The following HECW1 variants were observed in gnomAD, a reference collection of about 807,000 sequenced individuals.
HECW1 encodes HECT, C2 and WW domain containing E3 ubiquitin protein ligase 1, also known as E3 ubiquitin-protein ligase HECW1.
Under a neutral mutation model 182.3 loss-of-function variants are expected in HECW1, and 61 were observed. The observed-to-expected ratio is 0.33, with a 90% confidence interval of 0.27 to 0.41. The LOEUF (loss-of-function observed/expected upper bound fraction) is 0.41, where lower values mean the gene tolerates loss of function less well. Ranked by LOEUF, HECW1 falls within the 10% of genes least tolerant of loss-of-function variation. The pLI, the probability that HECW1 is intolerant of heterozygous loss-of-function variation, is 1.00. For missense variants in HECW1, 1,739 were observed against 2,108.9 expected, an observed-to-expected ratio of 0.82 and a Z score of 3.44; for synonymous variants, 859 against 832.6, an observed-to-expected ratio of 1.03 and a Z score of -0.55.
At chr7:43,318,372 A>C (rs910519058) in intron 4 of HECW1, among the ~76,000 whole-genome samples, 2 of 152,270 alleles carry the variant, frequency 1.3e-5, no homozygotes, top group African/African-American at 4.8e-5. Context: ...TCTTCATGGT[A>C]ACCCAAACAG....
At chr7:43,128,629 T>C (rs1786544486) in intron 2 of HECW1, among the ~76,000 whole-genome samples, 1 of 152,192 alleles carries the variant, frequency 6.6e-6, no homozygotes, top group Admixed American at 6.5e-5. Flanking sequence ...GATCTAGGAG[T>C]AATATTGACT....
At chr7:43,487,964 AAGAGAG>A (rs142459103) in intron 17 of HECW1, among the ~76,000 whole-genome samples, 3,847 of 147,298 alleles carry the variant, frequency 0.026, 102 homozygotes, top group East Asian at 0.14. Context: ...AAAAAAAAGG[AAGAGAG>A]AGAGAGAGAG....
At chr7:43,342,944 T>G (rs1358454991) in intron 5 of HECW1, among the ~76,000 whole-genome samples, 2 of 151,476 alleles carry the variant, frequency 1.3e-5, no homozygotes, top group African/African-American at 4.9e-5. Flanking sequence ...GAGAATGGCA[T>G]GAACCTGGGA....
intron 8 of HECW1, among the ~76,000 whole-genome samples, chr7:43,409,585 G>A (rs1322067542): frequency 1.3e-5 from 2 of 152,158 alleles, no homozygotes; most frequent in Non-Finnish European, 2.9e-5. Context: ...CACTGATTTT[G>A]TTCTGGCAGA....
chr7:43,474,216 A>G (rs905523154), intron 16 of HECW1, among the ~76,000 whole-genome samples: 21 of 152,178 alleles, frequency 1.4e-4, no homozygotes, highest in African/African-American at 2.7e-4. Context: ...TTGGGAGGCC[A>G]AGGCGGGTGG....
chr7:43,168,916 G>T (rs1320707651), intron 2 of HECW1, among the ~76,000 whole-genome samples: 1 of 152,126 alleles, frequency 6.6e-6, no homozygotes, highest in East Asian at 1.9e-4. Flanking sequence ...ATTTCTCATT[G>T]TTCACTATAG....
intron 2 of HECW1, among the ~76,000 whole-genome samples, chr7:43,132,718 A>G (rs1787092311): frequency 6.6e-6 from 1 of 152,110 alleles, no homozygotes; most frequent in Non-Finnish European, 1.5e-5. Flanking sequence ...TTGAGTGCTT[A>G]CACTTTTCTT....
chr7:43,485,456 A>G, intron 17 of HECW1, among the ~76,000 whole-genome samples: 1 of 152,232 alleles, frequency 6.6e-6, no homozygotes, highest in East Asian at 1.9e-4. Flanking sequence ...CAGCAGGGAT[A>G]CATTCTGAAA....
At chr7:43,364,373 T>C (rs1409682728) in intron 6 of HECW1, among the ~76,000 whole-genome samples, 1 of 152,258 alleles carries the variant, frequency 6.6e-6, no homozygotes, top group Non-Finnish European at 1.5e-5. Flanking sequence ...ATTTATTGTA[T>C]ATCAGAAACT....
chr7:43,369,331 G>A (rs1403626899), intron 6 of HECW1, among the ~76,000 whole-genome samples: 1 of 152,246 alleles, frequency 6.6e-6, no homozygotes, highest in East Asian at 1.9e-4. Flanking sequence ...GGTGGCACAT[G>A]CCTGTAATCC....
intron 21 of HECW1, among the ~76,000 whole-genome samples, chr7:43,501,661 T>C (rs2079365854): frequency 6.6e-6 from 1 of 151,750 alleles, no homozygotes; most frequent in Non-Finnish European, 1.5e-5. Flanking sequence ...GAGCTCCCCT[T>C]CTCTACAAAA....
chr7:43,118,266 G>C (rs1027911398), intron 2 of HECW1: 8 of 152,672 alleles, frequency 5.2e-5, no homozygotes, highest in Non-Finnish European at 8.8e-5. Context: ...TCCATGGCCA[G>C]GGATTGTAAT....
At chr7:43,503,813 TG>T (rs2079467544) in intron 21 of HECW1, among the ~76,000 whole-genome samples, 1 of 152,190 alleles carries the variant, frequency 6.6e-6, no homozygotes, top group Non-Finnish European at 1.5e-5. Context: ...TGGGGACAGG[TG>T]ATAGTACCAG....
At chr7:43,173,907 A>G (rs1791952134) in intron 2 of HECW1, among the ~76,000 whole-genome samples, 1 of 151,740 alleles carries the variant, frequency 6.6e-6, no homozygotes, top group Admixed American at 6.6e-5. Context: ...TGGGGTGATC[A>G]AAGCTCACTG....
In HECW1 at chr7:43,407,653, C is replaced by T. The variant is rs1478457631; in HGVS notation, c.723C>T (p.Phe241=). 6.2e-7 allele frequency: 1 copy of T among 1,613,910 alleles called. No individual in the cohort carries two copies. The highest frequency in any genetic ancestry group is 8.5e-7 in the Non-Finnish European group (1 of 1,179,830). Residue 241 remains phenylalanine, a synonymous_variant, in exon 8 of 30, where the codon TTC becomes TTT. Transcript: ENST00000395891. The part of the protein sequence containing the change: ...ISIQPGKHSI[F]PALPHHGQER... ...TTCAGCCTGGGAAACACAGCATCTT[C>T]CCCGCCCTCCCTCACCATGGACAGG...
chr7:43,264,585 C>T (rs539410703), intron 3 of HECW1, among the ~76,000 whole-genome samples: 1 of 152,244 alleles, frequency 6.6e-6, no homozygotes, highest in African/African-American at 2.4e-5. Flanking sequence ...GTGGCTCACG[C>T]CTGTAATCTC....
rs112501528 is a variant in HECW1 at position 43,265,726 on chromosome 7, A to G, written c.27+21794A>G. Among the ~76,000 whole-genome samples, 5 of 152,316 alleles carry G rather than the reference A, an allele frequency of 3.3e-5. 1 individual carries two copies. The highest frequency in any genetic ancestry group is 1.2e-4 in the African/African-American group (5 of 41,592). On this transcript the variant is annotated intron_variant, in intron 3 of 29. Coordinates refer to ENST00000395891, the MANE Select transcript of HECW1 (RefSeq NM_015052.5). ...AGCCCAAATCCTACAGGTTAAAGGC[A>G]CATTCTCACAAGGCTGCTCCCACTT...
At chr7:43,185,713 C>A (rs1368968943) in intron 2 of HECW1, among the ~76,000 whole-genome samples, 1 of 152,072 alleles carries the variant, frequency 6.6e-6, no homozygotes, top group East Asian at 1.9e-4. Flanking sequence ...GAATTTCCAT[C>A]ATATAAATTC....
chr7:43,121,367 T>C (rs192811452), intron 2 of HECW1, among the ~76,000 whole-genome samples: 116 of 152,182 alleles, frequency 7.6e-4, no homozygotes, highest in African/African-American at 2.6e-3. Context: ...CTCTCAGGAG[T>C]GGCCAAAGTA....
Sources: gnomAD v4.1 joint callset for allele counts (sites outside exome capture counted in the v4.1 genomes callset) on GRCh38, gnomAD v4.1.1 for gene constraint, MANE v1.5 for transcripts, NCBI Gene and HGNC (gene_info 2026-07-23, HGNC 2026-07-21) for gene names.